CCDC7: variants seen among roughly 807,000 people sequenced by gnomAD.
The protein encoded by CCDC7 is coiled-coil domain-containing protein 7.
CCDC7 carries 183 observed loss-of-function variants against 196.9 expected under a neutral mutation model. That is an observed-to-expected ratio of 0.93 (90% confidence interval 0.82 to 1.05). The LOEUF is 1.05. Among genes scored for constraint, CCDC7 ranks in the 50% least tolerant of loss-of-function variants. The pLI is 0.00. For missense variants in CCDC7, 1,540 were observed against 1,482.2 expected (o/e 1.04, Z -0.64); for synonymous variants, 525 against 484.6 (o/e 1.08, Z -1.10).
chr10:32,780,435 A>C (rs563641902), intron 29 of CCDC7, among the ~76,000 whole-genome samples: 6 of 152,164 alleles, frequency 3.9e-5, no homozygotes, highest in Non-Finnish European at 5.9e-5. Flanking sequence ...AAATAATTAC[A>C]AATTTATGTT....
At chr10:32,753,218 C>A (rs2133539236) in intron 28 of CCDC7, among the ~76,000 whole-genome samples, 1 of 152,126 alleles carries the variant, frequency 6.6e-6, no homozygotes, top group Admixed American at 6.6e-5. Flanking sequence ...CATAAAATTG[C>A]CCAAGTGGAA....
At chr10:32,508,880 G>A (rs1426497436) in intron 9 of CCDC7, among the ~76,000 whole-genome samples, 8 of 149,696 alleles carry the variant, frequency 5.3e-5, no homozygotes, top group Admixed American at 2.0e-4. Flanking sequence ...TGATCTTCCC[G>A]CCTTGGCCTC....
chr10:32,647,209 A>G (rs755891059), intron 20 of CCDC7, among the ~76,000 whole-genome samples: 2 of 152,148 alleles, frequency 1.3e-5, no homozygotes, highest in Non-Finnish European at 2.9e-5. Flanking sequence ...ACAGTGTTTA[A>G]ATGTTCCCTT....
intron 28 of CCDC7, among the ~76,000 whole-genome samples, chr10:32,777,965 A>G (rs534533405): frequency 1.0e-3 from 152 of 152,226 alleles, no homozygotes; most frequent in African/African-American, 3.5e-3. Flanking sequence ...ATTTTTTCAT[A>G]TGTTTCTTGG....
intron 28 of CCDC7, among the ~76,000 whole-genome samples, chr10:32,758,558 C>A (rs1420447248): frequency 6.6e-6 from 1 of 152,080 alleles, no homozygotes; most frequent in African/African-American, 2.4e-5. Flanking sequence ...CCCCTTCTTG[C>A]TAAAATCTCT....
chr10:32,705,212 CA>C (rs1250893133), intron 24 of CCDC7, among the ~76,000 whole-genome samples: 2 of 152,106 alleles, frequency 1.3e-5, no homozygotes, highest in Non-Finnish European at 2.9e-5. Flanking sequence ...CATATCCATC[CA>C]AACTAAGCTT....
At chr10:32,754,434 C>T (rs755574685) in intron 28 of CCDC7, among the ~76,000 whole-genome samples, 1 of 152,106 alleles carries the variant, frequency 6.6e-6, no homozygotes, top group Non-Finnish European at 1.5e-5. Flanking sequence ...GTGAAAGACT[C>T]TTAAAAGTAA....
At chr10:32,798,821 C>G (rs2084175223) in intron 29 of CCDC7, among the ~76,000 whole-genome samples, 1 of 152,214 alleles carries the variant, frequency 6.6e-6, no homozygotes, top group African/African-American at 2.4e-5. Context: ...AGTGCTGTAG[C>G]TGTCCACTGT....
At chr10:32,559,491 T>A (rs1173176221) in intron 13 of CCDC7, among the ~76,000 whole-genome samples, 2 of 152,158 alleles carry the variant, frequency 1.3e-5, no homozygotes, top group Non-Finnish European at 2.9e-5. Flanking sequence ...AGAGGAACGA[T>A]CAGACAGCAG....
At chr10:32,673,417 G>A (rs542235860) in intron 21 of CCDC7, among the ~76,000 whole-genome samples, 4 of 152,048 alleles carry the variant, frequency 2.6e-5, no homozygotes, top group African/African-American at 9.7e-5. Context: ...AACAAAAGAT[G>A]TCTTTCCATT....
At chr10:32,452,219 T>C (rs2033256358) in intron 1 of CCDC7, among the ~76,000 whole-genome samples, 1 of 152,196 alleles carries the variant, frequency 6.6e-6, no homozygotes. Context: ...TTGGGGGTTG[T>C]TTACTATTCA....
chr10:32,692,048 C>G (rs188645397), intron 23 of CCDC7, among the ~76,000 whole-genome samples: 1 of 152,292 alleles, frequency 6.6e-6, no homozygotes, highest in Admixed American at 6.5e-5. Context: ...AAGATTATTG[C>G]TTTATTGTGA....
At chr10:32,621,224 A>G (rs1408524936) in intron 18 of CCDC7, among the ~76,000 whole-genome samples, 1 of 152,200 alleles carries the variant, frequency 6.6e-6, no homozygotes, top group African/African-American at 2.4e-5. Flanking sequence ...AGATGCTTTC[A>G]TGAATGAAAT....
intron 6 of CCDC7, 37 bp downstream of exon 7, chr10:32,471,267 G>T (rs1209394408): frequency 8.2e-6 from 13 of 1,589,588 alleles, no homozygotes; most frequent in Non-Finnish European, 1.1e-5. Context: ...ATTAAAAACA[G>T]TAAGAAAGGG....
intron 18 of CCDC7, among the ~76,000 whole-genome samples, chr10:32,587,636 A>G (rs1263266334): frequency 2.0e-5 from 3 of 152,214 alleles, no homozygotes; most frequent in Non-Finnish European, 4.4e-5. Context: ...TGCTGAATTT[A>G]TATGTTAACT....
chr10:32,784,707 G>T (rs1464519214), intron 29 of CCDC7, among the ~76,000 whole-genome samples: 2 of 152,080 alleles, frequency 1.3e-5, no homozygotes, highest in Non-Finnish European at 2.9e-5. Flanking sequence ...GAGTAGCTGG[G>T]ACTACAGACA....
intron 13 of CCDC7, 105 bp downstream of exon 14, chr10:32,544,406 C>G (rs1003719242): frequency 1.7e-6 from 2 of 1,164,430 alleles, no homozygotes; most frequent in Non-Finnish European, 2.4e-6. Flanking sequence ...GTATATATGT[C>G]TGTGTGTGTG....
At chr10:32,698,002 G>T (rs988120071) in intron 24 of CCDC7, among the ~76,000 whole-genome samples, 1 of 152,192 alleles carries the variant, frequency 6.6e-6, no homozygotes, top group South Asian at 2.1e-4. Flanking sequence ...AGCAACCTTT[G>T]CTCTTCTGCA....
chr10:32,566,145 G>A (rs2056755259), intron 14 of CCDC7, among the ~76,000 whole-genome samples: 1 of 152,096 alleles, frequency 6.6e-6, no homozygotes, highest in Admixed American at 6.5e-5. Context: ...AAATGTAAAG[G>A]ACAGAAATAT....
Sources: allele counts gnomAD v4.1 joint callset (sites outside exome capture counted in the v4.1 genomes callset), GRCh38; gene constraint gnomAD v4.1.1; transcripts MANE v1.5; gene names NCBI Gene and HGNC (gene_info 2026-07-23, HGNC 2026-07-21).